SLIT3: variants seen among roughly 807,000 people sequenced by gnomAD.
The protein encoded by SLIT3 is slit guidance ligand 3.
In SLIT3, 68 loss-of-function variants were observed where a neutral mutation model predicts 184.0. The observed-to-expected ratio is 0.37, with a 90% confidence interval of 0.30 to 0.45. The LOEUF is 0.45. SLIT3 is among the 20% of genes least tolerant of loss of function. The pLI is 1.00. For synonymous variants in SLIT3, 831 were observed against 828.6 expected, an observed-to-expected ratio of 1.00 and a Z score of -0.05; for missense variants, 1,707 against 2,026.0, an observed-to-expected ratio of 0.84 and a Z score of 3.02.
chr5:168,869,879 G>C (rs1240029626), intron 5 of SLIT3, among the ~76,000 whole-genome samples: 1 of 152,248 alleles, frequency 6.6e-6, no homozygotes, highest in African/African-American at 2.4e-5. Flanking sequence ...TGTGCCTGGG[G>C]ACTGCGTACA....
chr5:168,761,921 ATTT>A (rs10654069), intron 15 of SLIT3, among the ~76,000 whole-genome samples: 2 of 110,468 alleles, frequency 1.8e-5, no homozygotes, highest in Non-Finnish European at 3.5e-5. Flanking sequence ...AAAAAAAAAA[ATTT>A]TTTTTTTTTT....
At chr5:168,896,872 C>A (rs192463668) in intron 4 of SLIT3, among the ~76,000 whole-genome samples, 1 of 152,166 alleles carries the variant, frequency 6.6e-6, no homozygotes. Context: ...GTTGGTCCAG[C>A]CACTTCTGTG....
intron 15 of SLIT3, among the ~76,000 whole-genome samples, chr5:168,762,090 C>T (rs758042979): frequency 6.7e-6 from 1 of 148,300 alleles, no homozygotes; most frequent in East Asian, 2.0e-4. Flanking sequence ...TTTTTTAGCT[C>T]TTTTTTTTTT....
chr5:168,923,931 G>A (rs956851539), intron 4 of SLIT3, among the ~76,000 whole-genome samples: 11 of 152,234 alleles, frequency 7.2e-5, no homozygotes, highest in African/African-American at 2.4e-4. Flanking sequence ...ACACAGCCAC[G>A]CTCAATCATT....
At chr5:168,857,423 A>G (rs1023132899) in intron 5 of SLIT3, among the ~76,000 whole-genome samples, 5 of 151,938 alleles carry the variant, frequency 3.3e-5, no homozygotes, top group Non-Finnish European at 7.4e-5. Flanking sequence ...GATGTGATTT[A>G]GTGGAAAAAT....
At chr5:168,678,040 G>A (rs1380076873) in intron 32 of SLIT3, among the ~76,000 whole-genome samples, 1 of 152,212 alleles carries the variant, frequency 6.6e-6, no homozygotes, top group Non-Finnish European at 1.5e-5. Context: ...TTTAGGGAAG[G>A]AAGCTAAGTA....
chr5:168,975,455 A>ACCC (rs1283389696), intron 4 of SLIT3, among the ~76,000 whole-genome samples: 55 of 149,984 alleles, frequency 3.7e-4, no homozygotes, highest in African/African-American at 1.0e-3. Flanking sequence ...ACATACAGAC[A>ACCC]CCCCCCCACA....
At chr5:169,208,181 T>C (rs998358147) in intron 3 of SLIT3, among the ~76,000 whole-genome samples, 6 of 152,242 alleles carry the variant, frequency 3.9e-5, no homozygotes, top group Admixed American at 2.0e-4. Context: ...ATTCATATTC[T>C]GTGAAGAAAG....
intron 4 of SLIT3, among the ~76,000 whole-genome samples, chr5:169,067,800 A>G (rs917859800): frequency 2.0e-5 from 3 of 152,202 alleles, no homozygotes; most frequent in Non-Finnish European, 2.9e-5. Context: ...CTATGTCTGC[A>G]GGCTTCCCAG....
intron 4 of SLIT3, among the ~76,000 whole-genome samples, chr5:168,977,733 C>G (rs750164551): frequency 6.6e-5 from 10 of 152,070 alleles, no homozygotes; most frequent in Non-Finnish European, 1.3e-4. Context: ...CATAGTCTTT[C>G]AATAAATGCT....
chr5:169,295,278 G>A lies in SLIT3; in HGVS notation c.197+5235C>T, dbSNP rs796286241. Among the ~76,000 whole-genome samples the A allele has an allele frequency of 1.2e-3, 188 of 152,352 alleles. 8 individuals are homozygous for A. The South Asian group carries it at 0.037, about 30-fold the overall frequency. On this transcript the variant is annotated intron_variant, in intron 1 of 35. Coordinates refer to ENST00000519560, the MANE Select transcript of SLIT3 (RefSeq NM_003062.4). ...GTAACACATGACTGTACTGTGTTAA[G>A]CACTTTCCTGTATATTATTTTGTTT...
chr5:168,672,058 C>A (rs183267731), intron 33 of SLIT3, among the ~76,000 whole-genome samples: 1 of 152,290 alleles, frequency 6.6e-6, no homozygotes, highest in East Asian at 1.9e-4. Flanking sequence ...TAGTAAAGAC[C>A]TAATTTGCTT....
chr5:169,143,567 G>A (rs866420901), intron 4 of SLIT3, among the ~76,000 whole-genome samples: 1 of 152,268 alleles, frequency 6.6e-6, no homozygotes, highest in African/African-American at 2.4e-5. Context: ...GGGAGGCCGA[G>A]GTGGGTGGAT....
chr5:168,879,429 A>G (rs192743091), intron 5 of SLIT3, among the ~76,000 whole-genome samples: 6 of 152,346 alleles, frequency 3.9e-5, no homozygotes, highest in Middle Eastern at 3.4e-3. Context: ...TTTTATAGAA[A>G]TTTAATTTGT....
At chr5:168,696,503 G>C (rs1939349721) in intron 27 of SLIT3, 72 bp from the exon 28 acceptor site, 1 of 1,552,950 alleles carries the variant, frequency 6.4e-7, no homozygotes, top group African/African-American at 1.4e-5. Flanking sequence ...ATGGCAGAGA[G>C]GAAGACACGG....
chr5:168,954,188 C>G (rs1762748123), intron 4 of SLIT3, among the ~76,000 whole-genome samples: 1 of 152,118 alleles, frequency 6.6e-6, no homozygotes, highest in Non-Finnish European at 1.5e-5. Flanking sequence ...GGGCAGGTTA[C>G]TTACCCTCCT....
At chr5:168,813,890 G>C (rs1053157110) in intron 8 of SLIT3, among the ~76,000 whole-genome samples, 1 of 152,232 alleles carries the variant, frequency 6.6e-6, no homozygotes, top group African/African-American at 2.4e-5. Context: ...GGCTCAGGGA[G>C]CTTTTCTTAT....
At chr5:169,041,567 T>A (rs1274738368) in intron 4 of SLIT3, among the ~76,000 whole-genome samples, 1 of 152,216 alleles carries the variant, frequency 6.6e-6, no homozygotes, top group Non-Finnish European at 1.5e-5. Flanking sequence ...GAATAATTAG[T>A]CCTACAGTGC....
At chr5:168,774,779 T>C (rs1213802805) in intron 12 of SLIT3, among the ~76,000 whole-genome samples, 1 of 152,238 alleles carries the variant, frequency 6.6e-6, no homozygotes, top group African/African-American at 2.4e-5. Context: ...TACGGGCAAT[T>C]TGATTCAGAA....
Sources: allele counts gnomAD v4.1 joint callset (sites outside exome capture counted in the v4.1 genomes callset), GRCh38; gene constraint gnomAD v4.1.1; transcripts MANE v1.5; gene names NCBI Gene and HGNC (gene_info 2026-07-23, HGNC 2026-07-21).